The following ITGA8 variants were observed in gnomAD, a reference collection of about 807,000 sequenced individuals.
The protein encoded by ITGA8 is integrin subunit alpha 8.
ITGA8 carries 91 observed loss-of-function variants against 142.3 expected under a neutral mutation model. The observed-to-expected ratio is 0.64, with a 90% CI of 0.54 to 0.76. The LOEUF is 0.76. Ranked by LOEUF, ITGA8 falls within the 30% of genes least tolerant of loss-of-function variation. The probability of loss-of-function intolerance (pLI) is 0.00; values close to 1 mark genes in which losing one functional copy is unlikely to be tolerated. For synonymous variants in ITGA8, 505 were observed against 485.2 expected, an observed-to-expected ratio of 1.04 and a Z score of -0.54; for missense variants, 1,406 against 1,327.7, an observed-to-expected ratio of 1.06 and a Z score of -0.92.
At chr10:15,547,687 C>T (rs1200363838) in intron 27 of ITGA8, among the ~76,000 whole-genome samples, 2 of 152,314 alleles carry the variant, frequency 1.3e-5, no homozygotes, top group African/African-American at 4.8e-5. Context: ...TACTCACGTA[C>T]CTGGAACTTG....
chr10:15,650,643 C>A lies in ITGA8; in HGVS notation c.1002-3592G>T, dbSNP rs945280849. On this transcript the variant is annotated intron_variant, in intron 11 of 29. Coordinates refer to ENST00000378076, the MANE Select transcript of ITGA8 (RefSeq NM_003638.3). ...TAAATTTCTTTTCTTTGCAAATCATCCAGTCTCCGGTATTCAATTATAGCA... is the reference window on the plus strand; with the variant it reads ...TAAATTTCTTTTCTTTGCAAATCATACAGTCTCCGGTATTCAATTATAGCA... Among the ~76,000 whole-genome samples the A allele has an allele frequency of 1.3e-5, 2 of 152,282 alleles. 1 individual carries two copies. Among genetic ancestry groups the A allele is most frequent in the Middle Eastern group, 6.8e-3 (2 of 294 alleles).
chr10:15,665,712 A>T (rs1296398537), intron 8 of ITGA8, among the ~76,000 whole-genome samples: 3 of 152,162 alleles, frequency 2.0e-5, no homozygotes, highest in Non-Finnish European at 4.4e-5. Context: ...AAGGAAGGGA[A>T]TGAGTTTCAG....
At chr10:15,597,115 G>C (rs1833022833) in intron 21 of ITGA8, 92 bp downstream of exon 21, 1 of 938,290 alleles carries the variant, frequency 1.1e-6, no homozygotes. Flanking sequence ...GCTAGGTGCT[G>C]AGTTGCTGAG....
intron 20 of ITGA8, among the ~76,000 whole-genome samples, chr10:15,598,105 A>G (rs980712): frequency 0.7 from 105,866 of 151,760 alleles, 39,005 homozygotes; most frequent in South Asian, 0.84. Context: ...CTATGGTCCC[A>G]CTCTGCATGC....
intron 20 of ITGA8, 119 bp downstream of exon 20, chr10:15,604,089 G>T (rs905772177): frequency 4.9e-5 from 42 of 851,130 alleles, no homozygotes; most frequent in Non-Finnish European, 7.3e-5. Flanking sequence ...ACAAAAGAAG[G>T]TATCATTTTG....
chr10:15,585,064 A>G (rs1268742507), intron 23 of ITGA8, among the ~76,000 whole-genome samples: 2 of 152,170 alleles, frequency 1.3e-5, no homozygotes, highest in African/African-American at 2.4e-5. Flanking sequence ...AAACGATGGT[A>G]TAGTTTTACA....
chr10:15,691,516 A>G (rs1482547754), intron 2 of ITGA8, among the ~76,000 whole-genome samples: 2 of 152,194 alleles, frequency 1.3e-5, no homozygotes, highest in Non-Finnish European at 2.9e-5. Context: ...TAAAAGAGGA[A>G]ATCCTCTCAT....
chr10:15,598,330 T>C (rs1365254834), intron 20 of ITGA8, among the ~76,000 whole-genome samples: 1 of 152,206 alleles, frequency 6.6e-6, no homozygotes, highest in Non-Finnish European at 1.5e-5. Flanking sequence ...ATTGAAATTT[T>C]ATTTTATTTT....
At chr10:15,710,182 A>G (rs10508493) in intron 2 of ITGA8, among the ~76,000 whole-genome samples, 24,949 of 152,234 alleles carry the variant, frequency 0.16, 2,075 homozygotes, top group Middle Eastern at 0.24. Flanking sequence ...TTTCCCAAAG[A>G]TAGTCTCTCA....
At chr10:15,557,534 G>T (rs2131566740) in intron 26 of ITGA8, among the ~76,000 whole-genome samples, 1 of 152,270 alleles carries the variant, frequency 6.6e-6, no homozygotes, top group East Asian at 1.9e-4. Flanking sequence ...TTTTTAAAAA[G>T]TAGAGGCTGG....
intron 2 of ITGA8, among the ~76,000 whole-genome samples, chr10:15,708,841 T>C (rs1835309676): frequency 6.6e-6 from 1 of 152,106 alleles, no homozygotes; most frequent in Non-Finnish European, 1.5e-5. Flanking sequence ...CCAATTAGGG[T>C]GATCTCAGAC....
At chr10:15,666,957 A>G (rs1834406451) in intron 8 of ITGA8, among the ~76,000 whole-genome samples, 1 of 152,192 alleles carries the variant, frequency 6.6e-6, no homozygotes, top group Non-Finnish European at 1.5e-5. Context: ...GATGTTCATC[A>G]AGGATATTGG....
chr10:15,581,108 C>G (rs935117604), intron 23 of ITGA8, among the ~76,000 whole-genome samples: 2 of 152,152 alleles, frequency 1.3e-5, no homozygotes, highest in Non-Finnish European at 2.9e-5. Context: ...TATCCTAACA[C>G]TATGATTTAG....
chr10:15,690,088 C>T (rs188717182), intron 2 of ITGA8, among the ~76,000 whole-genome samples: 1 of 152,162 alleles, frequency 6.6e-6, no homozygotes, highest in African/African-American at 2.4e-5. Flanking sequence ...GCTGTACTAC[C>T]CAACTATTGG....
intron 15 of ITGA8, among the ~76,000 whole-genome samples, chr10:15,612,683 A>C (rs1197931535): frequency 1.3e-5 from 2 of 152,260 alleles, no homozygotes; most frequent in Admixed American, 1.3e-4. Context: ...CAAAGCCTCC[A>C]TCATCCAGCA....
At chr10:15,652,850 G>T (rs369646490) in intron 11 of ITGA8, among the ~76,000 whole-genome samples, 76 of 152,304 alleles carry the variant, frequency 5.0e-4, no homozygotes, top group African/African-American at 1.8e-3. Flanking sequence ...GTGCATGGTA[G>T]TAGGGTTCCA....
chr10:15,629,389 A>G (rs377406562), intron 13 of ITGA8, among the ~76,000 whole-genome samples: 3 of 151,860 alleles, frequency 2.0e-5, no homozygotes, highest in African/African-American at 7.3e-5. Flanking sequence ...AGTCACCCCC[A>G]CTGCCCATTT....
intron 28 of ITGA8, 77 bp downstream of exon 28, chr10:15,530,973 T>C (rs1270013754): frequency 1.1e-6 from 1 of 885,810 alleles, no homozygotes; most frequent in Non-Finnish European, 1.7e-6. Context: ...CACTAAAGCC[T>C]AGCACAAGCT....
At chr10:15,664,536 T>A (rs1834349144) in intron 8 of ITGA8, among the ~76,000 whole-genome samples, 1 of 152,026 alleles carries the variant, frequency 6.6e-6, no homozygotes. Flanking sequence ...ATTATTATAC[T>A]TTAAGTTTTA....
Sources: gnomAD v4.1 joint callset for allele counts (sites outside exome capture counted in the v4.1 genomes callset) on GRCh38, gnomAD v4.1.1 for gene constraint, MANE v1.5 for transcripts, NCBI Gene and HGNC (gene_info 2026-07-23, HGNC 2026-07-21) for gene names.